Variants in DZIP3 observed in about 807,000 individuals in gnomAD.
DZIP3 encodes the protein E3 ubiquitin-protein ligase DZIP3.
Under a neutral mutation model 162.0 loss-of-function variants are expected in DZIP3, and 118 were observed. The ratio of observed to expected loss-of-function variants is 0.73; its 90% CI spans 0.63 to 0.85. The LOEUF (loss-of-function observed/expected upper bound fraction) is 0.85, where lower values mean the gene tolerates loss of function less well. DZIP3 is among the 40% of genes least tolerant of loss of function. The probability of loss-of-function intolerance (pLI) is 0.00; values close to 1 mark genes in which losing one functional copy is unlikely to be tolerated. For synonymous variants in DZIP3, 438 were observed against 458.6 expected (o/e 0.96, Z 0.57); for missense variants, 1,331 against 1,407.0 (o/e 0.95, Z 0.86).
At chr3:108,670,343 T>C (rs951673036) in intron 22 of DZIP3, among the ~76,000 whole-genome samples, 6 of 151,930 alleles carry the variant, frequency 3.9e-5, no homozygotes, top group African/African-American at 1.4e-4. Flanking sequence ...ATTTTCTGTC[T>C]GTATGGATTT....
At chr3:108,652,221 A>G (rs1942899337) in intron 18 of DZIP3, among the ~76,000 whole-genome samples, 1 of 151,844 alleles carries the variant, frequency 6.6e-6, no homozygotes, top group Admixed American at 6.6e-5. Flanking sequence ...TATACACAGA[A>G]GTAAAGAGAA....
At chr3:108,602,575 C>T (rs746034655) in intron 1 of DZIP3, among the ~76,000 whole-genome samples, 10 of 152,090 alleles carry the variant, frequency 6.6e-5, no homozygotes, top group African/African-American at 1.4e-4. Flanking sequence ...AGTTTACTGC[C>T]GACAGGGAAA....
At chr3:108,684,637 T>C (rs1214448960) in intron 27 of DZIP3, among the ~76,000 whole-genome samples, 1 of 152,196 alleles carries the variant, frequency 6.6e-6, no homozygotes, top group African/African-American at 2.4e-5. Context: ...TTGACATTTT[T>C]AATAGATTTT....
At position 108,690,845 on chromosome 3, in the gene DZIP3, T is replaced by A; in HGVS notation, c.3575T>A (p.Leu1192Ter). Residue 1192 changes from leucine (L) to a stop codon, truncating the protein, a stop_gained, in exon 32 of 33, where the codon TTG (leucine) becomes TAG (stop). Coordinates refer to ENST00000361582, the MANE Select transcript of DZIP3 (RefSeq NM_014648.4). LOFTEE classifies it high-confidence loss of function. ...GTCPTCRLHV[L>*]LPEEFPGHPS... ...TGTCCAACGTGCAGACTCCACGTTTTGCTACCAGAAGAATTCCCTGGTCAC... is the reference window on the plus strand; with the variant it reads ...TGTCCAACGTGCAGACTCCACGTTTAGCTACCAGAAGAATTCCCTGGTCAC... 6.2e-7 allele frequency: 1 copy of A among 1,614,182 alleles called. No individual in the cohort carries two copies.
Position 108,684,272 on chromosome 3 carries a change from T to TA in DZIP3, c.2941dup (p.Thr981AsnfsTer20), listed in dbSNP as rs777637734. On this transcript the variant is annotated frameshift_variant, in exon 27 of 33. Coordinates refer to ENST00000361582, the MANE Select transcript of DZIP3 (RefSeq NM_014648.4). LOFTEE classifies it high-confidence loss of function. ...AAGAATCTTTCTTTAGACCCATACT[T>TA]ACTGTTCCTCAAATGCCTGCAGTTT... is the stretch of plus-strand genomic sequence containing the variant. 3 of 1,613,578 alleles carry TA rather than the reference T, an allele frequency of 1.9e-6. No homozygotes were observed. Among genetic ancestry groups the TA allele is most frequent in the South Asian group, 1.1e-5 (1 of 91,042 alleles).
rs1057013634 is a variant in DZIP3, at chr3:108,665,580, A to G, written c.2423+3323A>G. On this transcript the variant is annotated intron_variant, in intron 21 of 32. Transcript: ENST00000361582. Reference sequence around the variant, plus strand: ...TTCAAAGAAATACTGAAATTTCCCCAAATTTGATGAAATGTATAAATTTAC... The same window carrying G: ...TTCAAAGAAATACTGAAATTTCCCCGAATTTGATGAAATGTATAAATTTAC... Among the ~76,000 whole-genome samples, 15 of 152,304 alleles carry G rather than the reference A, an allele frequency of 9.8e-5. 1 individual carries two copies. The East Asian group carries it at 2.7e-3, about 27-fold the overall frequency.
In DZIP3 at chr3:108,675,195, T is replaced by A. The variant is rs1294929366; in HGVS notation, c.2694-591T>A. 2.0e-5 allele frequency among the ~76,000 whole-genome samples: 3 copies of A among 152,006 alleles called. No homozygotes were observed. The East Asian group carries it at 5.8e-4, about 29-fold the overall frequency. On this transcript the variant is annotated intron_variant, in intron 24 of 32. Transcript: ENST00000361582. Reference sequence around the variant, plus strand: ...TAGACCCTAACAACTTCAAAGTTGTTCCTACTTTTGTTAAGTCATTTGGTA... The same window carrying A: ...TAGACCCTAACAACTTCAAAGTTGTACCTACTTTTGTTAAGTCATTTGGTA...
At chr3:108,591,004 A>G (rs1354678823) in intron 1 of DZIP3, among the ~76,000 whole-genome samples, 1 of 152,260 alleles carries the variant, frequency 6.6e-6, no homozygotes, top group African/African-American at 2.4e-5. Flanking sequence ...GGAAAATGAT[A>G]TAAAGAGAAA....
In DZIP3 at chr3:108,669,735, A is replaced by G. The variant is rs1453656633; in HGVS notation, c.2478A>G (p.Gln826=). ...KDNEIKNLKE[Q]LSMKRSQWEM... ...ATGAAATCAAGAACCTTAAAGAGCA[A>G]CTTTCTATGAAAAGGTACAAACTTA... The change falls in exon 22 of 33, where the codon CAA becomes CAG. Residue 826 remains glutamine (Q), a synonymous_variant. Transcript: ENST00000361582. The G allele has an allele frequency of 3.7e-6, 6 of 1,611,096 alleles. No individual in the cohort carries two copies. Among genetic ancestry groups the G allele is most frequent in the Middle Eastern group, 1.7e-4 (1 of 6,044 alleles).
At chr3:108,604,484 T>C (rs1940210519) in intron 1 of DZIP3, among the ~76,000 whole-genome samples, 1 of 152,210 alleles carries the variant, frequency 6.6e-6, no homozygotes, top group African/African-American at 2.4e-5. Context: ...GGACCTGTTT[T>C]AGAAGAGTTG....
chr3:108,688,244 C>T (rs1944563218), intron 29 of DZIP3, 148 bp downstream of exon 29: 2 of 1,037,124 alleles, frequency 1.9e-6, no homozygotes, highest in African/African-American at 1.6e-5. Context: ...ACAACTTCAA[C>T]TTAACAAATG....
At chr3:108,645,526 C>T (rs906864845) in intron 14 of DZIP3, among the ~76,000 whole-genome samples, 2 of 152,180 alleles carry the variant, frequency 1.3e-5, no homozygotes, top group African/African-American at 4.8e-5. Context: ...TTTCCCACAT[C>T]TCAGGATACC....
chr3:108,631,055 A>ACACACACACACACT, intron 8 of DZIP3, among the ~76,000 whole-genome samples: 19 of 18,014 alleles, frequency 1.1e-3, no homozygotes, highest in South Asian at 2.3e-3. Context: ...ACACACACAC[A>ACACACACACACACT]CTCTCTCTCT....
chr3:108,635,505 C>G (rs1942099290), intron 10 of DZIP3: 1 of 155,304 alleles, frequency 6.4e-6, no homozygotes, highest in Non-Finnish European at 1.4e-5. Flanking sequence ...AATTATATAA[C>G]ATATGGTTAT....
intron 29 of DZIP3, 64 bp downstream of exon 29, chr3:108,688,160 T>C: frequency 1.3e-6 from 2 of 1,575,930 alleles, no homozygotes; most frequent in Non-Finnish European, 1.7e-6. Flanking sequence ...AGTTAACTGT[T>C]TTAAATATCT....
chr3:108,690,811 CAG>C lies in DZIP3; in HGVS notation c.3542_3543del (p.Gln1181ArgfsTer54). 1 of 1,614,076 alleles carries C rather than the reference CAG, an allele frequency of 6.2e-7. No homozygotes were observed. Among genetic ancestry groups the C allele is most frequent in the Non-Finnish European group, 8.5e-7 (1 of 1,179,952 alleles). ...AQCIRPWLMQ[Q>X]GTCPTCRLHV... ...GTGCATTAGACCATGGTTGATGCAACAGGGGACATGTCCAACGTGCAGACTCC... is the reference window on the plus strand; with the variant it reads ...GTGCATTAGACCATGGTTGATGCAACGGGACATGTCCAACGTGCAGACTCC... On this transcript the variant is annotated frameshift_variant, in exon 32 of 33. Transcript: ENST00000361582. LOFTEE classifies it high-confidence loss of function.
chr3:108,678,429 C>A (rs991262280), intron 26 of DZIP3, among the ~76,000 whole-genome samples: 1 of 151,976 alleles, frequency 6.6e-6, no homozygotes, highest in Non-Finnish European at 1.5e-5. Flanking sequence ...GACCGCTGCA[C>A]GAAATGACTG....
chr3:108,616,623 C>A lies in DZIP3; in HGVS notation c.341C>A (p.Ala114Glu), dbSNP rs373181033. Residue 114 changes from alanine to glutamate, a missense_variant, in exon 5 of 33, where the codon GCA becomes GAA. This residue lies in a region of DZIP3 where 1,278 missense variants were observed against 1,317.1 expected (regional missense o/e 0.97). Coordinates refer to ENST00000361582, the MANE Select transcript of DZIP3 (RefSeq NM_014648.4). ...TLRFLITQLE[A>E]ALRNIQAGNY... ...CGTTTCTTGATTACACAGCTAGAAG[C>A]AGCACTTAGGAACATTCAAGCTGGC... 1.2e-6 allele frequency: 2 copies of A among 1,605,864 alleles called. No homozygotes were observed. The highest frequency in any genetic ancestry group is 4.6e-5 in the East Asian group (2 of 43,860).
At chr3:108,657,061 C>A (rs1943162866) in intron 19 of DZIP3, among the ~76,000 whole-genome samples, 1 of 152,224 alleles carries the variant, frequency 6.6e-6, no homozygotes, top group South Asian at 2.1e-4. Context: ...AAACACTCTG[C>A]AGGATATTAT....
Sources: allele counts gnomAD v4.1 joint callset (sites outside exome capture counted in the v4.1 genomes callset), GRCh38; gene constraint gnomAD v4.1.1; regional missense constraint gnomAD v4.1.1; transcripts MANE v1.5; gene names NCBI Gene and HGNC (gene_info 2026-07-23, HGNC 2026-07-21).